ABCD2: variants seen among roughly 807,000 people sequenced by gnomAD.
ABCD2 encodes ATP binding cassette subfamily D member 2.
In ABCD2, 36 loss-of-function variants were observed where a neutral mutation model predicts 70.9. The ratio of observed to expected loss-of-function variants is 0.51; its 90% confidence interval spans 0.39 to 0.67. ABCD2 has a LOEUF of 0.67. Ranked by LOEUF, ABCD2 falls within the 30% of genes least tolerant of loss-of-function variation. The pLI, the probability that ABCD2 is intolerant of heterozygous loss-of-function variation, is 0.00. For synonymous variants in ABCD2, 304 were observed against 306.9 expected (o/e 0.99, Z 0.10); for missense variants, 729 against 890.2 (o/e 0.82, Z 2.30).
At chr12:39,544,857 A>G in the ABCD2 span, among the ~76,000 whole-genome samples, 1 of 151,994 alleles carries the variant, frequency 6.6e-6, no homozygotes, top group Non-Finnish European at 1.5e-5. Context: ...AAACATTAGT[A>G]CTCTTATCTA....
chr12:39,532,463 T>C, the ABCD2 span, among the ~76,000 whole-genome samples: 2 of 152,210 alleles, frequency 1.3e-5, no homozygotes, highest in Admixed American at 6.5e-5. Context: ...TGATAATATA[T>C]ATTACCTACT....
At chr12:39,574,071 A>G (rs1941484427) in intron 8 of ABCD2, among the ~76,000 whole-genome samples, 1 of 152,136 alleles carries the variant, frequency 6.6e-6, no homozygotes. Context: ...ATAATACAAT[A>G]AGCTTTATTG....
chr12:39,586,483 A>C (rs1186400069), intron 6 of ABCD2, among the ~76,000 whole-genome samples, 186 bp from the exon 7 acceptor site: 1 of 152,230 alleles, frequency 6.6e-6, no homozygotes, highest in Non-Finnish European at 1.5e-5. Flanking sequence ...TGTTTACATA[A>C]AAACTTACTG....
At position 39,619,083 on chromosome 12, in the gene ABCD2, C is replaced by T. The variant is rs764791765; in HGVS notation, c.533G>A (p.Arg178His). The T allele has an allele frequency of 7.4e-6, 12 of 1,614,150 alleles. No individual in the cohort carries two copies. Among genetic ancestry groups the T allele is most frequent in the Non-Finnish European group, 8.5e-6 (10 of 1,180,026 alleles). ...ECKLALAFRT[R>H]LVDHAYETYF... is the part of the protein sequence containing the mutation. ...GGTTTCATAGGCGTGGTCTACTAGG[C>T]GAGTTCTGAAGGCCAAAGCCAATTT... The change falls in exon 1 of 10, where the codon CGC becomes CAC. Residue 178 changes from arginine to histidine, a missense_variant. Arg to His is a conservative substitution (Grantham distance 29, BLOSUM62 0). This residue lies in a region of ABCD2 where 245 missense variants were observed against 261.2 expected (regional missense o/e 0.94). Coordinates refer to ENST00000308666, the MANE Select transcript of ABCD2 (RefSeq NM_005164.4).
chr12:39,537,295 G>A, the ABCD2 span, among the ~76,000 whole-genome samples: 1 of 152,072 alleles, frequency 6.6e-6, no homozygotes, highest in Non-Finnish European at 1.5e-5. Context: ...TCAGTTGATG[G>A]TATATCCAGG....
intron 4 of ABCD2, 41 bp from the exon 5 acceptor site, chr12:39,604,047 G>T: frequency 7.3e-7 from 1 of 1,371,020 alleles, no homozygotes; most frequent in Non-Finnish European, 1.0e-6. Flanking sequence ...CATTATCACA[G>T]GTTTCTGATT....
chr12:39,612,444 C>T (rs1415055611), intron 2 of ABCD2, among the ~76,000 whole-genome samples: 1 of 152,066 alleles, frequency 6.6e-6, no homozygotes, highest in African/African-American at 2.4e-5. Context: ...AGCTCATAAG[C>T]ATAATACTGA....
At chr12:39,534,835 A>C in the ABCD2 span, among the ~76,000 whole-genome samples, 2 of 151,202 alleles carry the variant, frequency 1.3e-5, no homozygotes, top group Non-Finnish European at 3.0e-5. Context: ...AAAGCAGGAA[A>C]GAAAGAAAGA....
chr12:39,594,412 A>G (rs1941786950), intron 6 of ABCD2, among the ~76,000 whole-genome samples: 1 of 152,212 alleles, frequency 6.6e-6, no homozygotes, highest in Non-Finnish European at 1.5e-5. Flanking sequence ...ACAAAAAATA[A>G]CAATACCCTA....
At chr12:39,531,948 T>A in the ABCD2 span, among the ~76,000 whole-genome samples, 3 of 152,358 alleles carry the variant, frequency 2.0e-5, no homozygotes, top group East Asian at 3.9e-4. Context: ...AAGCTTTGAC[T>A]GCCACAGTGT....
chr12:39,597,079 A>T (rs1402362880), intron 6 of ABCD2, among the ~76,000 whole-genome samples: 1 of 152,322 alleles, frequency 6.6e-6, no homozygotes, highest in East Asian at 1.9e-4. Context: ...AGCTGCAGAT[A>T]CAGAGGCCCA....
the ABCD2 span, among the ~76,000 whole-genome samples, chr12:39,537,194 C>T: frequency 2.0e-5 from 3 of 152,176 alleles, no homozygotes; most frequent in Non-Finnish European, 4.4e-5. Flanking sequence ...AAAAGCTCCA[C>T]TTGGATATCA....
At chr12:39,618,129 T>C (rs1942142105) in intron 1 of ABCD2, among the ~76,000 whole-genome samples, 1 of 152,110 alleles carries the variant, frequency 6.6e-6, no homozygotes, top group Non-Finnish European at 1.5e-5. Context: ...AAATGCCATT[T>C]TGTGAGACAC....
At chr12:39,577,751 C>T (rs1414681198) in intron 8 of ABCD2, among the ~76,000 whole-genome samples, 1 of 152,032 alleles carries the variant, frequency 6.6e-6, no homozygotes, top group Non-Finnish European at 1.5e-5. Flanking sequence ...ATTTCAGAGA[C>T]TGTTCTCAAA....
In ABCD2 at chr12:39,619,363, A is replaced by G; in HGVS notation, c.253T>C (p.Phe85Leu). 6.2e-7 allele frequency: 1 copy of G among 1,614,056 alleles called. No individual in the cohort carries two copies. Among genetic ancestry groups the G allele is most frequent in the Middle Eastern group, 1.6e-4 (1 of 6,062 alleles). The part of the protein sequence containing the change: ...KPSPGVNADF[F>L]KQLLELRKIL... ...TTCCGAAGTTCTAGTAGCTGTTTGA[A>G]GAAATCTGCATTCACTCCAGGCGAA... The change falls in exon 1 of 10, where the codon TTC becomes CTC. Residue 85 changes from phenylalanine to leucine, a missense_variant. By Grantham distance (22) the Phe-to-Leu change is conservative. Around this residue, in one of 3 missense-constraint regions of ABCD2, gnomAD observed 245 missense variants for 261.2 expected, o/e 0.94. Coordinates refer to ENST00000308666, the MANE Select transcript of ABCD2 (RefSeq NM_005164.4).
At chr12:39,607,491 C>T (rs1482819695) in intron 3 of ABCD2, 108 bp downstream of exon 3, 26 of 870,436 alleles carry the variant, frequency 3.0e-5, no homozygotes, top group Non-Finnish European at 4.7e-5. Flanking sequence ...CAATTTTTGG[C>T]AGAGAAAAGA....
At chr12:39,545,941 C>G (rs1247495849), downstream of ABCD2, among the ~76,000 whole-genome samples, 1 of 151,978 alleles carries the variant, frequency 6.6e-6, no homozygotes, top group Non-Finnish European at 1.5e-5. Context: ...GCTAGATAGT[C>G]CATTTATATA....
chr12:39,532,991 C>T, the ABCD2 span, among the ~76,000 whole-genome samples: 15 of 151,436 alleles, frequency 9.9e-5, no homozygotes, highest in African/African-American at 3.6e-4. Flanking sequence ...ATCCCCGTCT[C>T]TACTGAAAAA....
intron 6 of ABCD2, among the ~76,000 whole-genome samples, chr12:39,596,251 C>T (rs1233281307): frequency 2.6e-5 from 4 of 152,198 alleles, no homozygotes; most frequent in Admixed American, 2.6e-4. Flanking sequence ...GGTCAAATGA[C>T]ACACTGTTCT....
Sources: allele counts gnomAD v4.1 joint callset (sites outside exome capture counted in the v4.1 genomes callset), GRCh38; gene constraint gnomAD v4.1.1; regional missense constraint gnomAD v4.1.1; transcripts MANE v1.5; gene names NCBI Gene and HGNC (gene_info 2026-07-23, HGNC 2026-07-21).